AGAP1: variants seen among roughly 807,000 people sequenced by gnomAD.
AGAP1 encodes the protein ArfGAP with GTPase domain, ankyrin repeat and PH domain 1.
AGAP1 carries 29 observed loss-of-function variants against 105.3 expected under a neutral mutation model. That is an observed-to-expected ratio of 0.28 (90% CI 0.21 to 0.38). AGAP1 has a LOEUF of 0.38. Ranked by LOEUF, AGAP1 falls within the 10% of genes least tolerant of loss-of-function variation. The probability of loss-of-function intolerance (pLI) is 1.00; values close to 1 mark genes in which losing one functional copy is unlikely to be tolerated. For missense variants in AGAP1, 998 were observed against 1,165.1 expected (o/e 0.86, Z 2.09); for synonymous variants, 509 against 485.9 (o/e 1.05, Z -0.63).
chr2:235,572,754 G>A (rs1944571312), intron 1 of AGAP1, among the ~76,000 whole-genome samples: 1 of 152,170 alleles, frequency 6.6e-6, no homozygotes, highest in African/African-American at 2.4e-5. Context: ...GCAGGCCGTT[G>A]TGTGCATCAC....
At position 236,114,813 on chromosome 2, in the gene AGAP1, A is replaced by T. The variant is rs1458042253; in HGVS notation, c.2115-5379A>T. ...AGCTTCAGCATGTGAATTTTATGGGATACGACTCAGCCTCTAACATCCAAG... is the reference window on the plus strand; with the variant it reads ...AGCTTCAGCATGTGAATTTTATGGGTTACGACTCAGCCTCTAACATCCAAG... On this transcript the variant is annotated intron_variant, in intron 16 of 17. Coordinates refer to ENST00000304032, the MANE Select transcript of AGAP1 (RefSeq NM_001037131.3). The surrounding 1 kb of genome is among the most constrained non-coding windows in gnomAD (Gnocchi z 5.0). Among the ~76,000 whole-genome samples, 1 of 152,184 alleles carries T rather than the reference A, an allele frequency of 6.6e-6. No individual in the cohort carries two copies. The highest frequency in any genetic ancestry group is 6.5e-5 in the Admixed American group (1 of 15,280).
chr2:235,767,371 C>A (rs979379685), intron 6 of AGAP1, among the ~76,000 whole-genome samples: 1 of 152,230 alleles, frequency 6.6e-6, no homozygotes, highest in Non-Finnish European at 1.5e-5. Context: ...GCGCAGGCTT[C>A]TCGTGCGCAC....
At position 235,930,780 on chromosome 2, in the gene AGAP1, C is replaced by T; in HGVS notation, c.1340C>T (p.Ala447Val). The change falls in exon 12 of 18, where the codon GCA becomes GTA. Residue 447 changes from alanine (A) to valine (V), a missense_variant. This residue lies in a region of AGAP1 where 735 missense variants were observed against 833.4 expected (regional missense o/e 0.88). Transcript: ENST00000304032. This position sits in a 1 kb window ranked among gnomAD's most constrained non-coding sequence, Gnocchi z 7.9. Reference sequence around the variant, plus strand: ...TTATTCCTAGGGAATGTCACTAGTGCATCTGGGTCTCAGATGGCAAGCGGC... The same window carrying T: ...TTATTCCTAGGGAATGTCACTAGTGTATCTGGGTCTCAGATGGCAAGCGGC... Reference protein sequence around the residue: ...ISPNSGNVTSASGSQMASGIS... With the variant: ...ISPNSGNVTSVSGSQMASGIS... 6.2e-7 allele frequency: 1 copy of T among 1,613,960 alleles called. No homozygotes were observed. Among genetic ancestry groups the T allele is most frequent in the Non-Finnish European group, 8.5e-7 (1 of 1,179,978 alleles).
chr2:235,774,786 AC>A (rs1247675029), intron 6 of AGAP1, among the ~76,000 whole-genome samples: 1 of 152,080 alleles, frequency 6.6e-6, no homozygotes, highest in Non-Finnish European at 1.5e-5. Context: ...GTAATTACTA[AC>A]CTTTTTATCT....
intron 1 of AGAP1, among the ~76,000 whole-genome samples, chr2:235,570,403 C>CA (rs1181768049): frequency 6.6e-6 from 1 of 152,182 alleles, no homozygotes; most frequent in Non-Finnish European, 1.5e-5. Context: ...ATGTTAAAGC[C>CA]AGATCATTAT....
rs147779552 is a variant in AGAP1, at chr2:235,663,298, A to G, written c.164-45881A>G. On this transcript the variant is annotated intron_variant, in intron 1 of 17. Coordinates refer to ENST00000304032, the MANE Select transcript of AGAP1 (RefSeq NM_001037131.3). The surrounding 1 kb of genome is among the most constrained non-coding windows in gnomAD (Gnocchi z 5.4). ...CACTCCAGCCTGGGCAACAAGAAGG[A>G]AACTCTGTCTCAAAAAAAAAGAAGG... is the stretch of plus-strand genomic sequence containing the variant. 0.011 allele frequency among the ~76,000 whole-genome samples: 1,634 copies of G among 152,252 alleles called. 24 individuals carry two copies. The highest frequency in any genetic ancestry group is 0.037 in the African/African-American group (1,527 of 41,534).
intron 1 of AGAP1, among the ~76,000 whole-genome samples, chr2:235,503,992 C>T (rs546587076): frequency 6.6e-6 from 1 of 152,320 alleles, no homozygotes; most frequent in South Asian, 2.1e-4. Context: ...AGCGATCCTC[C>T]TGCCTTGGCC....
Position 235,737,925 on chromosome 2 carries a change from G to A in AGAP1, c.311-3038G>A, listed in dbSNP as rs180687565. ...AAAGTTGAACCTTAGGGTTCATCAA[G>A]CAGGGAGGGCTTCCACATACCCTTG... On this transcript the variant is annotated intron_variant, in intron 3 of 17. Coordinates refer to ENST00000304032, the MANE Select transcript of AGAP1 (RefSeq NM_001037131.3). The surrounding 1 kb of genome is among the most constrained non-coding windows in gnomAD (Gnocchi z 4.5). Among the ~76,000 whole-genome samples, 5 of 152,044 alleles carry A rather than the reference G, an allele frequency of 3.3e-5. No individual in the cohort carries two copies. The highest frequency in any genetic ancestry group is 1.2e-4 in the African/African-American group (5 of 41,418).
At chr2:236,016,487 GT>G (rs1243679003) in intron 13 of AGAP1, among the ~76,000 whole-genome samples, 2 of 150,900 alleles carry the variant, frequency 1.3e-5, no homozygotes, top group Non-Finnish European at 2.9e-5. Context: ...CAAATGCAGT[GT>G]ATAGAAAATT....
chr2:235,564,973 G>A (rs1268457964), intron 1 of AGAP1, among the ~76,000 whole-genome samples: 1 of 150,006 alleles, frequency 6.7e-6, no homozygotes, highest in African/African-American at 2.5e-5. Context: ...GGCCAGGTGT[G>A]AGCCAGGATC....
At chr2:235,681,481 C>T (rs1315516866) in intron 1 of AGAP1, among the ~76,000 whole-genome samples, 1 of 152,152 alleles carries the variant, frequency 6.6e-6, no homozygotes, top group Non-Finnish European at 1.5e-5. Flanking sequence ...ACCTTGTCTA[C>T]TCCCTTGCCC....
intron 9 of AGAP1, among the ~76,000 whole-genome samples, chr2:235,876,192 A>G (rs767851068): frequency 1.3e-5 from 2 of 152,220 alleles, no homozygotes; most frequent in Non-Finnish European, 2.9e-5. Flanking sequence ...TTGTTTTCCT[A>G]AGGTGAACAT....
At chr2:235,810,536 A>T (rs1958078859) in intron 9 of AGAP1, among the ~76,000 whole-genome samples, 1 of 152,132 alleles carries the variant, frequency 6.6e-6, no homozygotes, top group South Asian at 2.1e-4. Context: ...TCTGCAATCT[A>T]ACCCCAGAGT....
At chr2:235,670,937 G>A in intron 1 of AGAP1, 1 of 1,321,330 alleles carries the variant, frequency 7.6e-7, no homozygotes, top group Non-Finnish European at 9.6e-7. Flanking sequence ...CGGGGGCCCG[G>A]GCGGCGGGCC....
chr2:235,816,551 G>C (rs546820509), intron 9 of AGAP1, among the ~76,000 whole-genome samples: 2 of 151,894 alleles, frequency 1.3e-5, no homozygotes, highest in South Asian at 4.2e-4. Context: ...AAGTAGCTCT[G>C]ACTACTTCCC....
At chr2:235,935,206 G>C (rs1481660695) in intron 12 of AGAP1, among the ~76,000 whole-genome samples, 1 of 152,182 alleles carries the variant, frequency 6.6e-6, no homozygotes, top group Non-Finnish European at 1.5e-5. Flanking sequence ...CATGAGACCT[G>C]CATCTGCCCT....
chr2:235,684,854 T>C (rs1015425070), intron 1 of AGAP1, among the ~76,000 whole-genome samples: 1 of 152,148 alleles, frequency 6.6e-6, no homozygotes, highest in African/African-American at 2.4e-5. Context: ...TATCTGGCAT[T>C]AGGAACACCA....
At chr2:235,758,089 A>AT (rs151076629) in intron 6 of AGAP1, among the ~76,000 whole-genome samples, 2,350 of 150,764 alleles carry the variant, frequency 0.016, 55 homozygotes, top group African/African-American at 0.052. Flanking sequence ...TTTTGTTGCT[A>AT]TTTTTTTCTC....
chr2:235,602,761 G>C (rs1945773988), intron 1 of AGAP1, among the ~76,000 whole-genome samples: 2 of 152,142 alleles, frequency 1.3e-5, no homozygotes, highest in African/African-American at 4.8e-5. Flanking sequence ...GAGTGCAGTG[G>C]TGCGATCTTG....
Sources: gnomAD v4.1 joint callset for allele counts (sites outside exome capture counted in the v4.1 genomes callset) on GRCh38, gnomAD v4.1.1 for gene constraint, gnomAD v4.1.1 regional missense constraint, Gnocchi (gnomAD v3.1) non-coding constraint, MANE v1.5 for transcripts, NCBI Gene and HGNC (gene_info 2026-07-23, HGNC 2026-07-21) for gene names.